Variants in KPNB1 observed in about 807,000 individuals in gnomAD.
KPNB1 encodes the protein karyopherin subunit beta 1, also known as importin subunit beta-1.
Under a neutral mutation model 113.0 loss-of-function variants are expected in KPNB1, and 7 were observed. The ratio of observed to expected loss-of-function variants is 0.06; its 90% CI spans 0.04 to 0.12. The LOEUF is 0.12. KPNB1 is among the 10% of genes least tolerant of loss of function. The pLI, the probability that KPNB1 is intolerant of heterozygous loss-of-function variation, is 1.00. For missense variants in KPNB1, 400 were observed against 1,054.8 expected (o/e 0.38, Z 8.60); for synonymous variants, 363 against 378.6 (o/e 0.96, Z 0.48).
intron 4 of KPNB1, 59 bp from the exon 5 acceptor site, chr17:47,658,449 G>T: frequency 6.5e-7 from 1 of 1,547,680 alleles, no homozygotes; most frequent in Non-Finnish European, 8.7e-7. Context: ...CCACAGATGT[G>T]GAACCCATGG....
At chr17:47,665,023 G>A in intron 8 of KPNB1, 34 bp from the exon 9 acceptor site, 1 of 1,548,432 alleles carries the variant, frequency 6.5e-7, no homozygotes, top group Non-Finnish European at 8.9e-7. Context: ...GAGCTCGGTT[G>A]CTTTTGTCTA....
Position 47,658,378 on chromosome 17 carries a change from G to A in KPNB1, c.484-130G>A. On this transcript the variant is annotated intron_variant, in intron 4 of 21. Transcript: ENST00000290158. ...AGGTGTACATGCACCTTTTGGTGCA[G>A]TACAGATGCAACCATCCATTTTTTT... is the stretch of plus-strand genomic sequence containing the variant. 5 of 941,140 alleles carry A rather than the reference G, an allele frequency of 5.3e-6. No homozygotes were observed. The South Asian group carries it at 8.5e-5, about 16-fold the overall frequency. The allele number at this position is 941,140 out of a possible 1,614,324, so 58.3% of individuals were successfully genotyped here.
chr17:47,653,644 A>AT (rs1915641255), intron 3 of KPNB1, among the ~76,000 whole-genome samples: 1 of 152,182 alleles, frequency 6.6e-6, no homozygotes, highest in South Asian at 2.1e-4. Flanking sequence ...TGTCCTTGGT[A>AT]TTTGAGTGGA....
In KPNB1 at chr17:47,665,041, C is replaced by G; in HGVS notation, c.898-16C>G. On this transcript the variant is annotated splice_polypyrimidine_tract_variant and intron_variant, in intron 8 of 21. Coordinates refer to ENST00000290158, the MANE Select transcript of KPNB1 (RefSeq NM_002265.6). ...CTCGGTTGCTTTTGTCTAGAATTTG[C>G]TTTGTTTCTCCTCAGGCAGCAGAAC... 1 of 1,612,262 alleles carries G rather than the reference C, an allele frequency of 6.2e-7. No individual in the cohort carries two copies. Among genetic ancestry groups the G allele is most frequent in the Non-Finnish European group, 8.5e-7 (1 of 1,178,380 alleles).
intron 13 of KPNB1, 103 bp from the exon 14 acceptor site, chr17:47,673,387 C>T: frequency 2.9e-6 from 3 of 1,050,062 alleles, no homozygotes; most frequent in Admixed American, 2.0e-5. Context: ...TTTTTTGTTG[C>T]TGTTGTTTAC....
chr17:47,660,041 T>G (rs1191612593), intron 5 of KPNB1, among the ~76,000 whole-genome samples: 1 of 152,228 alleles, frequency 6.6e-6, no homozygotes, highest in Admixed American at 6.5e-5. Context: ...TAGATTCACA[T>G]TGCTGTGGAA....
In KPNB1 at chr17:47,673,039, C is replaced by T. The variant is rs1567893542; in HGVS notation, c.1569C>T (p.Asn523=). The change falls in exon 13 of 22, where the codon AAC becomes AAT. Residue 523 remains asparagine (N), a synonymous_variant. Coordinates refer to ENST00000290158, the MANE Select transcript of KPNB1 (RefSeq NM_002265.6). ...ACAGACCTGATGGACACCAGAACAACCTGAGGAGTTCTGCATATGAATCTC... is the reference window on the plus strand; with the variant it reads ...ACAGACCTGATGGACACCAGAACAATCTGAGGAGTTCTGCATATGAATCTC... ...TTDRPDGHQN[N]LRSSAYESLM... 6.2e-7 allele frequency: 1 copy of T among 1,613,976 alleles called. No homozygotes were observed. The highest frequency in any genetic ancestry group is 2.2e-5 in the East Asian group (1 of 44,876).
intron 3 of KPNB1, 115 bp from the exon 4 acceptor site, chr17:47,656,745 C>A: frequency 9.7e-7 from 1 of 1,029,278 alleles, no homozygotes; most frequent in Non-Finnish European, 1.4e-6. Context: ...GAGACCCTGT[C>A]TTAAGAAAGA....
chr17:47,672,836 A>C (rs938397147), intron 12 of KPNB1, among the ~76,000 whole-genome samples, 182 bp from the exon 13 acceptor site: 1 of 152,222 alleles, frequency 6.6e-6, no homozygotes, highest in Non-Finnish European at 1.5e-5. Flanking sequence ...TGGAGACCAT[A>C]ATGAACATAG....
At position 47,669,683 on chromosome 17, in the gene KPNB1, G is replaced by A; in HGVS notation, c.1230G>A (p.Met410Ile). 6.3e-7 allele frequency: 1 copy of A among 1,591,358 alleles called. No homozygotes were observed. Among genetic ancestry groups the A allele is most frequent in the Non-Finnish European group, 8.6e-7 (1 of 1,160,768 alleles). ...SQLKPLVIQA[M>I]PTLIELMKDP... ...AATAACTGTTATATTTTCAGGCTAT[G>A]CCCACCCTAATAGAATTAATGAAAG... The change falls in exon 11 of 22, where the codon ATG (methionine) becomes ATA (isoleucine). Residue 410 changes from methionine (M) to isoleucine (I), a missense_variant. Met to Ile is a conservative substitution (Grantham distance 10). Coordinates refer to ENST00000290158, the MANE Select transcript of KPNB1 (RefSeq NM_002265.6).
At chr17:47,650,773 A>C (rs1263344874) in intron 2 of KPNB1, among the ~76,000 whole-genome samples, 2 of 151,916 alleles carry the variant, frequency 1.3e-5, no homozygotes, top group South Asian at 2.1e-4. Context: ...CTGCGTGTTC[A>C]GCAGGGGTGG....
In KPNB1 at chr17:47,650,375, C is replaced by T. The variant is rs747102732; in HGVS notation, c.41-11C>T. On this transcript the variant is annotated splice_polypyrimidine_tract_variant and intron_variant, in intron 1 of 21. Transcript: ENST00000290158. ...CTGACCCCGCTCCGTCTCCCACTTTCCTCCCCCTAGATCGGCTGGAGCTGG... is the reference window on the plus strand; with the variant it reads ...CTGACCCCGCTCCGTCTCCCACTTTTCTCCCCCTAGATCGGCTGGAGCTGG... 4.3e-6 allele frequency: 7 copies of T among 1,611,658 alleles called. No homozygotes were observed. The highest frequency in any genetic ancestry group is 5.1e-6 in the Non-Finnish European group (6 of 1,179,414).
chr17:47,674,954 G>T (rs1306208193), intron 15 of KPNB1, among the ~76,000 whole-genome samples, 172 bp downstream of exon 15: 2 of 152,192 alleles, frequency 1.3e-5, no homozygotes, highest in Admixed American at 1.3e-4. Context: ...CAGTAGCTGG[G>T]ACTAACAGAT....
chr17:47,658,693 A>T, intron 5 of KPNB1, 33 bp downstream of exon 5: 2 of 1,577,502 alleles, frequency 1.3e-6, no homozygotes, highest in Non-Finnish European at 1.7e-6. Context: ...ATAGATTCAG[A>T]CAGTAAGGGA....
chr17:47,671,042 G>C (rs1262271943), intron 12 of KPNB1, among the ~76,000 whole-genome samples: 1 of 152,348 alleles, frequency 6.6e-6, no homozygotes, highest in Admixed American at 6.5e-5. Flanking sequence ...GATCACCTGA[G>C]GTCAGGAGTT....
chr17:47,671,720 G>A (rs1460734156), intron 12 of KPNB1: 1 of 151,804 alleles, frequency 6.6e-6, no homozygotes, highest in African/African-American at 2.4e-5. Flanking sequence ...TAGAGACAGG[G>A]TTTCACCATG....
intron 8 of KPNB1, among the ~76,000 whole-genome samples, chr17:47,664,795 G>A (rs1769859400): frequency 6.6e-6 from 1 of 152,100 alleles, no homozygotes; most frequent in African/African-American, 2.4e-5. Context: ...AAGGAACACT[G>A]AAATATCAGG....
intron 6 of KPNB1, 81 bp downstream of exon 6, chr17:47,661,259 G>A: frequency 9.8e-7 from 1 of 1,017,140 alleles, no homozygotes; most frequent in Non-Finnish European, 1.6e-6. Flanking sequence ...GAAATACTGG[G>A]AATCAGTTGA....
chr17:47,654,342 G>A (rs1387693514), intron 3 of KPNB1, among the ~76,000 whole-genome samples: 3 of 151,678 alleles, frequency 2.0e-5, no homozygotes, highest in African/African-American at 7.3e-5. Context: ...TTGAACCTGG[G>A]AGGCGGAGAT....
Sources: gnomAD v4.1 joint callset for allele counts (sites outside exome capture counted in the v4.1 genomes callset) on GRCh38, gnomAD v4.1.1 for gene constraint, MANE v1.5 for transcripts, NCBI Gene and HGNC (gene_info 2026-07-23, HGNC 2026-07-21) for gene names.